GPC5: variants seen among roughly 807,000 people sequenced by gnomAD.
The protein encoded by GPC5 is glypican-5.
In GPC5, 47 loss-of-function variants were observed where a neutral mutation model predicts 53.9. The observed-to-expected ratio is 0.87, with a 90% CI of 0.69 to 1.11. GPC5 has a LOEUF of 1.11. Ranked by LOEUF, GPC5 falls within the 50% of genes most tolerant of loss-of-function variation. GPC5 has a pLI of 0.00. For missense variants in GPC5, 748 were observed against 713.1 expected (o/e 1.05, Z -0.56); for synonymous variants, 286 against 263.3 (o/e 1.09, Z -0.84).
chr13:91,426,236 A>T (rs1213836565), intron 1 of GPC5, among the ~76,000 whole-genome samples: 1 of 151,652 alleles, frequency 6.6e-6, no homozygotes, highest in East Asian at 2.0e-4. Context: ...ACGGCATGTC[A>T]GAGACCTTCC....
At chr13:92,202,946 A>G (rs2042305537) in intron 7 of GPC5, among the ~76,000 whole-genome samples, 1 of 152,072 alleles carries the variant, frequency 6.6e-6, no homozygotes, top group Admixed American at 6.5e-5. Context: ...TTTACAAGAA[A>G]AAAAATTATG....
intron 7 of GPC5, among the ~76,000 whole-genome samples, chr13:92,757,635 G>GA (rs1411640165): frequency 4.6e-5 from 7 of 151,764 alleles, no homozygotes; most frequent in Admixed American, 2.0e-4. Context: ...AAATTTACAA[G>GA]AAAAAAACAA....
intron 2 of GPC5, among the ~76,000 whole-genome samples, chr13:91,686,885 G>T (rs940388738): frequency 6.6e-6 from 1 of 151,902 alleles, no homozygotes; most frequent in Non-Finnish European, 1.5e-5. Context: ...GAGTTGTAAT[G>T]CACAAAATGC....
intron 2 of GPC5, among the ~76,000 whole-genome samples, chr13:91,548,135 G>A (rs1014865051): frequency 2.8e-4 from 43 of 152,170 alleles, no homozygotes; most frequent in African/African-American, 9.9e-4. Flanking sequence ...TACAATAAAA[G>A]GAAAGAAAAG....
intron 7 of GPC5, among the ~76,000 whole-genome samples, chr13:92,325,116 A>ACT (rs1271885850): frequency 6.6e-6 from 1 of 151,650 alleles, no homozygotes; most frequent in African/African-American, 2.4e-5. Context: ...ACACACACAC[A>ACT]CACACACACA....
intron 7 of GPC5, among the ~76,000 whole-genome samples, chr13:92,746,455 G>A (rs1889243996): frequency 6.6e-6 from 1 of 152,052 alleles, no homozygotes; most frequent in Non-Finnish European, 1.5e-5. Flanking sequence ...AGTGATTCCT[G>A]CAGTAAATAA....
intron 6 of GPC5, among the ~76,000 whole-genome samples, chr13:91,953,640 TA>T (rs1178274732): frequency 6.6e-6 from 1 of 152,198 alleles, no homozygotes; most frequent in Non-Finnish European, 1.5e-5. Context: ...GGTTAGCTTA[TA>T]AACAAAATAA....
chr13:92,002,425 T>G (rs2138755682), intron 6 of GPC5, among the ~76,000 whole-genome samples: 1 of 152,228 alleles, frequency 6.6e-6, no homozygotes, highest in South Asian at 2.1e-4. Flanking sequence ...GAACACAAAA[T>G]TCCAAGAACT....
intron 7 of GPC5, among the ~76,000 whole-genome samples, chr13:92,667,481 G>GT (rs2139199129): frequency 6.6e-6 from 1 of 152,268 alleles, no homozygotes; most frequent in Non-Finnish European, 1.5e-5. Context: ...ATTTGGCACT[G>GT]TAAGGAGTAA....
intron 2 of GPC5, among the ~76,000 whole-genome samples, chr13:91,668,366 T>A (rs2035166539): frequency 6.6e-6 from 1 of 152,236 alleles, no homozygotes; most frequent in African/African-American, 2.4e-5. Context: ...AGCATTGAAA[T>A]GTAGTGAAAG....
intron 5 of GPC5, among the ~76,000 whole-genome samples, chr13:91,867,683 G>C (rs902420862): frequency 2.0e-5 from 3 of 152,160 alleles, no homozygotes; most frequent in African/African-American, 7.2e-5. Flanking sequence ...TTAAGCCAGA[G>C]TGCTTTGTTA....
chr13:92,223,478 T>C (rs1326050564), intron 7 of GPC5, among the ~76,000 whole-genome samples: 3 of 152,204 alleles, frequency 2.0e-5, no homozygotes, highest in Admixed American at 6.5e-5. Flanking sequence ...ATAATGCTGC[T>C]TTTGTGTACT....
intron 7 of GPC5, among the ~76,000 whole-genome samples, chr13:92,494,558 G>C (rs967998373): frequency 6.6e-6 from 1 of 151,952 alleles, no homozygotes; most frequent in Non-Finnish European, 1.5e-5. Context: ...TGTTTATTTT[G>C]AAAAACATAT....
intron 6 of GPC5, among the ~76,000 whole-genome samples, chr13:92,055,089 T>C (rs1254476003): frequency 6.6e-6 from 1 of 152,192 alleles, no homozygotes; most frequent in Non-Finnish European, 1.5e-5. Flanking sequence ...ACTTACATCC[T>C]TCCTGACACA....
intron 6 of GPC5, among the ~76,000 whole-genome samples, chr13:91,924,036 G>A (rs926453962): frequency 6.6e-6 from 1 of 151,976 alleles, no homozygotes; most frequent in African/African-American, 2.4e-5. Context: ...CCCAAGAAGA[G>A]GCTCAATATT....
chr13:92,474,484 T>C (rs1229067502), intron 7 of GPC5, among the ~76,000 whole-genome samples: 2 of 152,080 alleles, frequency 1.3e-5, no homozygotes, highest in African/African-American at 2.4e-5. Context: ...TATGACCTAC[T>C]GAGCAAGGTC....
intron 7 of GPC5, among the ~76,000 whole-genome samples, chr13:92,585,854 C>A (rs1052170859): frequency 6.6e-6 from 1 of 152,120 alleles, no homozygotes; most frequent in Non-Finnish European, 1.5e-5. Flanking sequence ...TCTCTCTTTG[C>A]CTGCTGCCAT....
chr13:91,761,059 A>G (rs996120162), intron 5 of GPC5, among the ~76,000 whole-genome samples: 2 of 152,072 alleles, frequency 1.3e-5, no homozygotes, highest in African/African-American at 4.8e-5. Flanking sequence ...TCTGAAAGGC[A>G]TGTTAGTCTT....
At chr13:91,914,750 A>G (rs1359387437) in intron 6 of GPC5, among the ~76,000 whole-genome samples, 2 of 151,872 alleles carry the variant, frequency 1.3e-5, no homozygotes, top group Admixed American at 6.6e-5. Context: ...ATGGTTACAC[A>G]GGTAGTGTTT....
Sources: gnomAD v4.1 joint callset for allele counts (sites outside exome capture counted in the v4.1 genomes callset) on GRCh38, gnomAD v4.1.1 for gene constraint, MANE v1.5 for transcripts, NCBI Gene and HGNC (gene_info 2026-07-23, HGNC 2026-07-21) for gene names.